The following EPS15L1 variants were observed in gnomAD, a reference collection of about 807,000 sequenced individuals.
EPS15L1 encodes epidermal growth factor receptor substrate 15-like 1.
In EPS15L1, 43 loss-of-function variants were observed where a neutral mutation model predicts 117.1. That is an observed-to-expected ratio of 0.37 (90% CI 0.29 to 0.47). The LOEUF (loss-of-function observed/expected upper bound fraction) is 0.47, where lower values mean the gene tolerates loss of function less well. EPS15L1 is among the 20% of genes least tolerant of loss of function. The pLI, the probability that EPS15L1 is intolerant of heterozygous loss-of-function variation, is 0.99. For missense variants in EPS15L1, 981 were observed against 1,164.0 expected, an observed-to-expected ratio of 0.84 and a Z score of 2.29; for synonymous variants, 459 against 470.5, an observed-to-expected ratio of 0.98 and a Z score of 0.32.
chr19:16,464,828 A>T (rs549491511), intron 1 of EPS15L1, among the ~76,000 whole-genome samples: 1 of 152,326 alleles, frequency 6.6e-6, no homozygotes, highest in South Asian at 2.1e-4. Context: ...TCACGCCTGT[A>T]ATCCCAGCAC....
intron 13 of EPS15L1, among the ~76,000 whole-genome samples, chr19:16,411,500 G>A (rs1003892222): frequency 6.6e-6 from 1 of 152,172 alleles, no homozygotes; most frequent in Non-Finnish European, 1.5e-5. Flanking sequence ...GTTCTAACTC[G>A]ATAGAGTGAT....
intron 1 of EPS15L1, among the ~76,000 whole-genome samples, chr19:16,465,949 G>A (rs1366130691): frequency 2.0e-5 from 3 of 151,840 alleles, no homozygotes; most frequent in Admixed American, 2.0e-4. Flanking sequence ...TACAAACTTG[G>A]GCAAGGGACG....
chr19:16,442,013 T>C, intron 2 of EPS15L1, 32 bp from the exon 3 acceptor site: 2 of 1,583,994 alleles, frequency 1.3e-6, no homozygotes, highest in Non-Finnish European at 1.7e-6. Context: ...CAAAATAACT[T>C]TTCAGCAAAT....
At chr19:16,439,766 G>C (rs2093011920) in intron 4 of EPS15L1, among the ~76,000 whole-genome samples, 1 of 152,038 alleles carries the variant, frequency 6.6e-6, no homozygotes, top group Non-Finnish European at 1.5e-5. Flanking sequence ...ACAAGTGAAG[G>C]GGGCTTCCTG....
intron 16 of EPS15L1, chr19:16,401,154 C>T (rs1379210137): frequency 3.2e-5 from 32 of 985,194 alleles, no homozygotes; most frequent in Non-Finnish European, 3.9e-5. Context: ...CACCTCATTA[C>T]GAGTCCACGA....
chr19:16,355,724 G>A lies in EPS15L1; in HGVS notation c.2714C>T (p.Ala905Val), dbSNP rs1313655719. The part of the protein sequence containing the change: ...DLELAIALSK[A>V]DMPAA ...CCTCGCCTAGGCGGCAGGCATGTCA[G>A]CCTTGCTGAGCGCGATGGCCAGTTC... Residue 905 changes from alanine to valine, a missense_variant, in exon 24 of 24, where the codon GCT becomes GTT. By Grantham distance (64) the Ala-to-Val change is moderately conservative. Around this residue, in one of 5 missense-constraint regions of EPS15L1, gnomAD observed 819 missense variants for 949.0 expected, o/e 0.86. Coordinates refer to ENST00000455140, the MANE Select transcript of EPS15L1 (RefSeq NM_001258374.3). The A allele has an allele frequency of 6.5e-7, 1 of 1,535,878 alleles. No individual in the cohort carries two copies. Among genetic ancestry groups the A allele is most frequent in the East Asian group, 2.4e-5 (1 of 40,916 alleles).
intron 8 of EPS15L1, among the ~76,000 whole-genome samples, chr19:16,427,360 T>C (rs1035469273): frequency 2.6e-5 from 4 of 152,166 alleles, no homozygotes; most frequent in Non-Finnish European, 5.9e-5. Flanking sequence ...AGGGTTTCAG[T>C]TCTGGAGTTT....
intron 3 of EPS15L1, 96 bp downstream of exon 3, chr19:16,441,796 G>A: frequency 2.2e-6 from 2 of 917,942 alleles, no homozygotes; most frequent in East Asian, 2.5e-5. Flanking sequence ...AGGAGGCCGG[G>A]CCCCATGGAA....
At chr19:16,436,156 A>G (rs992733965) in intron 6 of EPS15L1, among the ~76,000 whole-genome samples, 3 of 152,156 alleles carry the variant, frequency 2.0e-5, no homozygotes, top group Admixed American at 2.0e-4. Flanking sequence ...TGACCTCTCC[A>G]AGAAGGGAGC....
At chr19:16,403,383 ATC>A (rs1374878516) in intron 15 of EPS15L1, among the ~76,000 whole-genome samples, 4 of 152,228 alleles carry the variant, frequency 2.6e-5, no homozygotes, top group African/African-American at 9.6e-5. Context: ...CAAAGAAGTC[ATC>A]TCTCTGACTT....
chr19:16,472,012 T>C (rs2093351408), upstream of EPS15L1: 2 of 1,193,052 alleles, frequency 1.7e-6, no homozygotes, highest in South Asian at 3.6e-5. Flanking sequence ...GCGTGCGCAC[T>C]GGGACGACGG....
In EPS15L1 at chr19:16,404,053, C is replaced by T; in HGVS notation, c.1429-123G>A. The T allele has an allele frequency of 1.2e-6, 1 of 846,694 alleles. No homozygotes were observed. The highest frequency in any genetic ancestry group is 1.8e-6 in the Non-Finnish European group (1 of 542,302). 52.4% of individuals were successfully genotyped at this position (846,694 alleles called of 1,614,324 possible). ...AAGCCAGGGACGCAGACACCTAACCCAGGCCCGACACCTGGCTTCCTTACA... is the reference window on the plus strand; with the variant it reads ...AAGCCAGGGACGCAGACACCTAACCTAGGCCCGACACCTGGCTTCCTTACA... On this transcript the variant is annotated intron_variant, in intron 14 of 23. Transcript: ENST00000455140. The surrounding 1 kb of genome is among the most constrained non-coding windows in gnomAD (Gnocchi z 4.2).
Position 16,471,894 on chromosome 19 carries a change from A to G in EPS15L1, c.33+19T>C. 3.1e-6 allele frequency: 4 copies of G among 1,293,892 alleles called. No individual in the cohort carries two copies. The highest frequency in any genetic ancestry group is 2.2e-5 in the South Asian group (1 of 46,194). 80.2% of individuals were successfully genotyped at this position (1,293,892 alleles called of 1,614,324 possible). A position where few individuals can be genotyped will look rare whatever the true frequency, so the allele number is the denominator to read the frequency against. On this transcript the variant is annotated intron_variant, in intron 1 of 23. Transcript: ENST00000455140. The surrounding 1 kb of genome is among the most constrained non-coding windows in gnomAD (Gnocchi z 4.8). ...CGCCCCGCACCCCGGCGCCGCCCCC[A>G]GGCCCGCCCGGCCCGTACCTGCTGG...
chr19:16,417,777 C>A, intron 11 of EPS15L1, 140 bp from the exon 12 acceptor site: 3 of 1,175,788 alleles, frequency 2.6e-6, no homozygotes, highest in Non-Finnish European at 3.7e-6. Flanking sequence ...AGCCCCCTGC[C>A]TGGGGAAATA....
chr19:16,378,713 G>A (rs2092326587), intron 21 of EPS15L1, among the ~76,000 whole-genome samples: 1 of 152,182 alleles, frequency 6.6e-6, no homozygotes. Flanking sequence ...GAGGCACAGG[G>A]GAGCCAGGGT....
intron 22 of EPS15L1, 24 bp from the exon 23 acceptor site, chr19:16,362,008 A>G: frequency 6.4e-7 from 1 of 1,567,878 alleles, no homozygotes; most frequent in Non-Finnish European, 8.6e-7. Flanking sequence ...GAGAAAAAAA[A>G]AAGGAGAAAG....
At chr19:16,369,296 G>GTT (rs2092187003) in intron 22 of EPS15L1, among the ~76,000 whole-genome samples, 1 of 152,204 alleles carries the variant, frequency 6.6e-6, no homozygotes, top group South Asian at 2.1e-4. Context: ...CGATCGCAGC[G>GTT]TTGAGATTTT....
At position 16,400,931 on chromosome 19, in the gene EPS15L1, G is replaced by A. The variant is rs932244218; in HGVS notation, c.1791+1390C>T. The stretch of plus-strand genomic sequence containing the variant: ...AAGAGGAAGCTGTTCCCTGAACGAA[G>A]ACTGAGCAGGACAAGCCAAAAGCGG... On this transcript the variant is annotated intron_variant, in intron 16 of 23. Transcript: ENST00000455140. 3 of 985,314 alleles carry A rather than the reference G, an allele frequency of 3.0e-6. No individual in the cohort carries two copies. The African/African-American group carries it at 5.2e-5, about 17-fold the overall frequency. The allele number at this position is 985,314 out of a possible 1,614,324, so 61.0% of individuals were successfully genotyped here.
chr19:16,470,477 T>C (rs2093338744), intron 1 of EPS15L1, among the ~76,000 whole-genome samples: 1 of 151,810 alleles, frequency 6.6e-6, no homozygotes, highest in Non-Finnish European at 1.5e-5. Flanking sequence ...TGATCTTAGG[T>C]GATTTTCCCC....
Sources: gnomAD v4.1 joint callset for allele counts (sites outside exome capture counted in the v4.1 genomes callset) on GRCh38, gnomAD v4.1.1 for gene constraint, gnomAD v4.1.1 regional missense constraint, Gnocchi (gnomAD v3.1) non-coding constraint, MANE v1.5 for transcripts, NCBI Gene and HGNC (gene_info 2026-07-23, HGNC 2026-07-21) for gene names.